The following RBFOX1 variants were observed in gnomAD, a reference collection of about 807,000 sequenced individuals.
RBFOX1 encodes RNA binding fox-1 homolog 1, also known as RNA binding protein fox-1 homolog 1.
Under a neutral mutation model 57.7 loss-of-function variants are expected in RBFOX1, and 8 were observed. The observed-to-expected ratio is 0.14, with a 90% CI of 0.08 to 0.25. RBFOX1 has a LOEUF of 0.25. Among genes scored for constraint, RBFOX1 ranks in the 10% least tolerant of loss-of-function variants. The pLI is 1.00. For synonymous variants in RBFOX1, 326 were observed against 222.4 expected (o/e 1.47, Z -4.15); for missense variants, 611 against 548.5 (o/e 1.11, Z -1.14).
At chr16:5,784,887 A>C (rs1181569965) in intron 3 of RBFOX1, among the ~76,000 whole-genome samples, 1 of 152,086 alleles carries the variant, frequency 6.6e-6, no homozygotes, top group Non-Finnish European at 1.5e-5. Flanking sequence ...TTGATCTTGG[A>C]TTTCCAGCCT....
chr16:7,471,314 G>C (rs1027476657), intron 4 of RBFOX1, among the ~76,000 whole-genome samples: 2 of 152,132 alleles, frequency 1.3e-5, no homozygotes, highest in Non-Finnish European at 2.9e-5. Context: ...AATACCTTGT[G>C]AGTATATCCA....
intron 3 of RBFOX1, among the ~76,000 whole-genome samples, chr16:6,882,589 C>G (rs961535765): frequency 6.6e-6 from 1 of 152,116 alleles, no homozygotes; most frequent in Non-Finnish European, 1.5e-5. Context: ...GAGTTAAACT[C>G]TGAAAATAAA....
intron 1 of RBFOX1, among the ~76,000 whole-genome samples, chr16:6,101,588 G>C (rs1289885301): frequency 6.6e-6 from 1 of 152,128 alleles, no homozygotes; most frequent in Admixed American, 6.6e-5. Context: ...CCAGGTTCAA[G>C]TGATACTCCT....
intron 1 of RBFOX1, among the ~76,000 whole-genome samples, chr16:6,297,062 A>G (rs1289069770): frequency 6.6e-6 from 1 of 152,180 alleles, no homozygotes; most frequent in Non-Finnish European, 1.5e-5. Context: ...CACAGAGGGT[A>G]ACTTCCTAAT....
intron 4 of RBFOX1, among the ~76,000 whole-genome samples, chr16:7,499,524 G>T (rs1375247122): frequency 6.6e-6 from 1 of 152,136 alleles, no homozygotes; most frequent in Non-Finnish European, 1.5e-5. Flanking sequence ...ATTCAAGTCA[G>T]ATATATGAAA....
At chr16:7,005,121 G>C (rs779341090) in intron 3 of RBFOX1, among the ~76,000 whole-genome samples, 23 of 152,098 alleles carry the variant, frequency 1.5e-4, no homozygotes, top group Middle Eastern at 3.2e-3. Context: ...TCCAGCCTGG[G>C]TGACAAGAGC....
chr16:5,673,800 T>C (rs767596226), intron 3 of RBFOX1, among the ~76,000 whole-genome samples: 2 of 152,244 alleles, frequency 1.3e-5, no homozygotes, highest in Non-Finnish European at 2.9e-5. Context: ...TTGGCCTCAT[T>C]GTAGGCCTTG....
chr16:7,062,892 C>CCTTTT (rs1491558284), intron 4 of RBFOX1, among the ~76,000 whole-genome samples: 1 of 59,932 alleles, frequency 1.7e-5, no homozygotes, highest in Non-Finnish European at 3.3e-5. Flanking sequence ...AAATGATCGC[C>CCTTTT]ATTTTTTTTT....
chr16:5,808,560 G>A (rs1328645309), intron 3 of RBFOX1, among the ~76,000 whole-genome samples: 2 of 152,174 alleles, frequency 1.3e-5, no homozygotes, highest in Admixed American at 6.5e-5. Flanking sequence ...ATCATGGAAT[G>A]TTCTTCCATT....
chr16:6,172,872 C>G (rs1598045996), intron 1 of RBFOX1, among the ~76,000 whole-genome samples: 1 of 152,204 alleles, frequency 6.6e-6, no homozygotes, highest in Non-Finnish European at 1.5e-5. Flanking sequence ...GAACTCGACA[C>G]TAGTCTCACA....
intron 3 of RBFOX1, among the ~76,000 whole-genome samples, chr16:6,975,615 G>GT (rs1374508596): frequency 4.6e-5 from 7 of 152,142 alleles, no homozygotes; most frequent in Non-Finnish European, 1.0e-4. Flanking sequence ...GATCAGGTGT[G>GT]TTTTTCCCAC....
intron 3 of RBFOX1, among the ~76,000 whole-genome samples, chr16:6,961,903 G>A (rs527806261): frequency 6.6e-6 from 1 of 152,256 alleles, no homozygotes; most frequent in South Asian, 2.1e-4. Context: ...ACCACATCCT[G>A]TTTTATCAGC....
intron 1 of RBFOX1, among the ~76,000 whole-genome samples, chr16:6,215,927 C>T (rs1269697815): frequency 1.3e-5 from 2 of 152,152 alleles, no homozygotes; most frequent in South Asian, 2.1e-4. Flanking sequence ...AGTGATAACT[C>T]TCTAACTGGG....
chr16:5,871,976 G>C (rs2151904654), intron 4 of RBFOX1, among the ~76,000 whole-genome samples: 1 of 152,224 alleles, frequency 6.6e-6, no homozygotes, highest in South Asian at 2.1e-4. Flanking sequence ...AATGTAGGTG[G>C]AATCTCCCTC....
rs149903328 is a variant in RBFOX1, at chr16:6,629,539, G to A, written c.-63-25064G>A. 1.6e-3 allele frequency among the ~76,000 whole-genome samples: 237 copies of A among 152,270 alleles called. 1 individual carries two copies. The highest frequency in any genetic ancestry group is 2.0e-3 in the African/African-American group (83 of 41,556). On this transcript the variant is annotated intron_variant, in intron 2 of 15. Transcript: ENST00000550418. ...TACTTTCATCTTTTGACCCTGAAACGTGTAGATAAAAATCAACATTAATTG... is the reference window on the plus strand; with the variant it reads ...TACTTTCATCTTTTGACCCTGAAACATGTAGATAAAAATCAACATTAATTG...
intron 1 of RBFOX1, among the ~76,000 whole-genome samples, chr16:6,224,575 AC>A (rs1180041992): frequency 1.3e-5 from 2 of 152,128 alleles, no homozygotes; most frequent in Non-Finnish European, 2.9e-5. Context: ...TGTTGCTTGT[AC>A]CCTAAAAAAA....
At chr16:6,873,123 A>G (rs1484928630) in intron 3 of RBFOX1, among the ~76,000 whole-genome samples, 3 of 151,122 alleles carry the variant, frequency 2.0e-5, no homozygotes, top group Admixed American at 6.6e-5. Context: ...TTTAGTTTCT[A>G]TGCATTGGAA....
At chr16:6,779,971 ATT>A (rs2080301591) in intron 3 of RBFOX1, among the ~76,000 whole-genome samples, 1 of 33,282 alleles carries the variant, frequency 3.0e-5, no homozygotes, top group African/African-American at 1.5e-4. Flanking sequence ...ATTTATATAT[ATT>A]TATATATTTA....
intron 1 of RBFOX1, among the ~76,000 whole-genome samples, chr16:6,141,117 G>A (rs959461817): frequency 3.9e-5 from 6 of 152,170 alleles, no homozygotes; most frequent in Admixed American, 3.9e-4. Flanking sequence ...CAGGCTAAAT[G>A]GAGGTGGTGC....
Sources: gnomAD v4.1 joint callset for allele counts (sites outside exome capture counted in the v4.1 genomes callset) on GRCh38, gnomAD v4.1.1 for gene constraint, MANE v1.5 for transcripts, NCBI Gene and HGNC (gene_info 2026-07-23, HGNC 2026-07-21) for gene names.